The following CD9 variants were observed in gnomAD, a reference collection of about 807,000 sequenced individuals.
CD9 encodes CD9 molecule.
In CD9, 10 loss-of-function variants were observed where a neutral mutation model predicts 31.4. The observed-to-expected ratio is 0.32, with a 90% confidence interval of 0.20 to 0.54. CD9 has a LOEUF of 0.54. Ranked by LOEUF, CD9 falls within the 20% of genes least tolerant of loss-of-function variation. CD9 has a pLI of 0.94. For synonymous variants in CD9, 113 were observed against 114.1 expected (o/e 0.99, Z 0.06); for missense variants, 259 against 300.1 (o/e 0.86, Z 1.01).
At chr12:6,204,299 A>C (rs4764542) in intron 1 of CD9, among the ~76,000 whole-genome samples, 2 of 152,024 alleles carry the variant, frequency 1.3e-5, no homozygotes, top group Non-Finnish European at 2.9e-5. Flanking sequence ...GGTACGATGT[A>C]TACTATGTTG....
intron 2 of CD9, chr12:6,225,783 G>A: frequency 2.0e-6 from 1 of 509,492 alleles, no homozygotes; most frequent in Non-Finnish European, 3.5e-6. Context: ...TCTCTGATGT[G>A]ATGTAGCCTC....
chr12:6,235,987 C>A (rs1425292622), intron 6 of CD9: 1 of 1,420,876 alleles, frequency 7.0e-7, no homozygotes, highest in Non-Finnish European at 9.2e-7. Context: ...ACGTCCTGCC[C>A]AGATTTTAGG....
At chr12:6,200,626 A>G (rs948467019) in intron 1 of CD9, 61 bp downstream of exon 1, 2 of 1,199,886 alleles carry the variant, frequency 1.7e-6, no homozygotes, top group African/African-American at 3.1e-5. Flanking sequence ...GGCCCCGGAC[A>G]CTGGCCGCGG....
Position 6,232,666 on chromosome 12 carries a change from G to T in CD9, c.210G>T (p.Met70Ile). The T allele has an allele frequency of 6.3e-7, 1 of 1,581,730 alleles. No homozygotes were observed. Among genetic ancestry groups the T allele is most frequent in the South Asian group, 1.2e-5 (1 of 86,718 alleles). ...TTCTGATCGGAGCCGGCGCCCTCATGATGCTGGTGGGCTTCCTGGGCTGCT... is the reference window on the plus strand; with the variant it reads ...TTCTGATCGGAGCCGGCGCCCTCATTATGCTGGTGGGCTTCCTGGGCTGCT... ...VYILIGAGAL[M>I]MLVGFLGCCG... The change falls in exon 3 of 8, where the codon ATG becomes ATT. Residue 70 changes from methionine (M) to isoleucine (I), a missense_variant. Coordinates refer to ENST00000009180, the MANE Select transcript of CD9 (RefSeq NM_001769.4). This position sits in a 1 kb window ranked among gnomAD's most constrained non-coding sequence, Gnocchi z 4.8.
chr12:6,234,764 C>T (rs1946493667), intron 4 of CD9, among the ~76,000 whole-genome samples: 1 of 152,244 alleles, frequency 6.6e-6, no homozygotes, highest in South Asian at 2.1e-4. Context: ...CATTTAAATT[C>T]TCACAAATAA....
intron 2 of CD9, among the ~76,000 whole-genome samples, chr12:6,226,565 C>G (rs979295518): frequency 2.6e-4 from 40 of 152,300 alleles, no homozygotes; most frequent in Admixed American, 1.4e-3. Context: ...CTTCCCTTTC[C>G]CACCTCTTGA....
rs550797182 is a variant in CD9, at chr12:6,215,548, G to A, written c.67-9878G>A. ...TTTCGAGAGCTGCTGGACTGGCATA[G>A]AGAAGAGTTTCCTGGGTTGCCTTTG... is the stretch of plus-strand genomic sequence containing the variant. On this transcript the variant is annotated intron_variant, in intron 1 of 7. Transcript: ENST00000009180. Among the ~76,000 whole-genome samples the A allele has an allele frequency of 2.3e-3, 344 of 152,310 alleles. 2 individuals are homozygous for A. The highest frequency in any genetic ancestry group is 7.7e-3 in the African/African-American group (319 of 41,556).
intron 1 of CD9, among the ~76,000 whole-genome samples, chr12:6,218,067 A>AT (rs941837757): frequency 2.0e-5 from 3 of 152,072 alleles, no homozygotes; most frequent in Non-Finnish European, 4.4e-5. Flanking sequence ...TCTACAAATA[A>AT]TTTTTAAAAA....
At chr12:6,233,558 C>A in intron 4 of CD9, 72 bp downstream of exon 4, 2 of 1,136,720 alleles carry the variant, frequency 1.8e-6, no homozygotes, top group Non-Finnish European at 1.3e-6. Flanking sequence ...GGGGGCAAGT[C>A]CTGGCTGGGC....
chr12:6,235,933 C>T (rs944751848), intron 6 of CD9: 1 of 1,395,776 alleles, frequency 7.2e-7, no homozygotes. Flanking sequence ...ACAACCATGT[C>T]AGAAATAGAC....
intron 6 of CD9, chr12:6,235,895 C>A: frequency 7.3e-7 from 1 of 1,369,408 alleles, no homozygotes; most frequent in Non-Finnish European, 9.4e-7. Flanking sequence ...AGTTAATGTC[C>A]AACTCCAGAA....
chr12:6,221,182 C>T (rs942570457), intron 1 of CD9, among the ~76,000 whole-genome samples: 36 of 152,334 alleles, frequency 2.4e-4, no homozygotes, highest in African/African-American at 7.9e-4. Context: ...CTTTTCCTCT[C>T]GGCCCTCTCA....
At position 6,200,468 on chromosome 12, in the gene CD9, C is replaced by A; in HGVS notation, c.-32C>A. Reference sequence around the variant, plus strand: ...GCTGCGCGCGCCCCCCAGTCCCGCACCCGTTCGGCCCAGGCTAAGTTAGCC... The same window carrying A: ...GCTGCGCGCGCCCCCCAGTCCCGCAACCGTTCGGCCCAGGCTAAGTTAGCC... On this transcript the variant is annotated 5_prime_UTR_variant, in exon 1 of 8. Coordinates refer to ENST00000009180, the MANE Select transcript of CD9 (RefSeq NM_001769.4). The A allele has an allele frequency of 5.2e-6, 8 of 1,545,596 alleles. No homozygotes were observed. Among genetic ancestry groups the A allele is most frequent in the Non-Finnish European group, 7.2e-6 (8 of 1,118,802 alleles).
At chr12:6,220,221 A>G (rs1206144317) in intron 1 of CD9, among the ~76,000 whole-genome samples, 1 of 152,238 alleles carries the variant, frequency 6.6e-6, no homozygotes, top group African/African-American at 2.4e-5. Flanking sequence ...GGCTTGGCTT[A>G]GGCGATCACG....
chr12:6,235,601 C>T (rs1946510039), intron 6 of CD9, 36 bp downstream of exon 6: 2 of 1,581,490 alleles, frequency 1.3e-6, no homozygotes, highest in African/African-American at 2.7e-5. Flanking sequence ...TCCCTGCCCC[C>T]ATTGCTCTGG....
At chr12:6,236,071 C>T (rs1946518289) in intron 6 of CD9, 121 bp from the exon 7 acceptor site, 2 of 1,508,332 alleles carry the variant, frequency 1.3e-6, no homozygotes, top group Admixed American at 2.1e-5. Context: ...CCCGAACACT[C>T]CTGTCCCCAG....
chr12:6,225,923 C>A (rs1014877321), intron 2 of CD9, among the ~76,000 whole-genome samples: 1 of 152,142 alleles, frequency 6.6e-6, no homozygotes, highest in Admixed American at 6.5e-5. Context: ...ATCTGCAGTG[C>A]TGGAAGAAGA....
At chr12:6,201,117 C>G (rs988489445) in intron 1 of CD9, 2 of 152,286 alleles carry the variant, frequency 1.3e-5, no homozygotes, top group Admixed American at 6.5e-5. Flanking sequence ...GCCGCGGGTC[C>G]GGCCCCGGGA....
chr12:6,229,089 C>T (rs796187979), intron 2 of CD9, among the ~76,000 whole-genome samples: 7 of 152,358 alleles, frequency 4.6e-5, no homozygotes, highest in South Asian at 2.1e-4. Context: ...AGATTCAGCC[C>T]GTCAGCAAGA....
Sources: gnomAD v4.1 joint callset for allele counts (sites outside exome capture counted in the v4.1 genomes callset) on GRCh38, gnomAD v4.1.1 for gene constraint, Gnocchi (gnomAD v3.1) non-coding constraint, MANE v1.5 for transcripts, NCBI Gene and HGNC (gene_info 2026-07-23, HGNC 2026-07-21) for gene names.